LYST: variants seen among roughly 807,000 people sequenced by gnomAD.
The protein encoded by LYST is lysosomal-trafficking regulator.
LYST carries 192 observed loss-of-function variants against 413.6 expected under a neutral mutation model. The observed-to-expected ratio is 0.46, with a 90% CI of 0.41 to 0.52. The LOEUF (loss-of-function observed/expected upper bound fraction) is 0.52, where lower values mean the gene tolerates loss of function less well. Among genes scored for constraint, LYST ranks in the 20% least tolerant of loss-of-function variants. The pLI is 0.00. For missense variants in LYST, 3,815 were observed against 4,499.9 expected, an observed-to-expected ratio of 0.85 and a Z score of 4.35; for synonymous variants, 1,525 against 1,567.3, an observed-to-expected ratio of 0.97 and a Z score of 0.64.
In LYST at chr1:235,826,607, G is replaced by A. The variant is rs112082207; in HGVS notation, c.192+3619C>T. On this transcript the variant is annotated intron_variant, in intron 3 of 52. Coordinates refer to ENST00000389793, the MANE Select transcript of LYST (RefSeq NM_000081.4). The stretch of plus-strand genomic sequence containing the variant: ...AGGGACTGACTGAAAAAAAAGGCAT[G>A]ACAAAACTTTCTAAGGTGGCGGAAA... 5.4e-3 allele frequency among the ~76,000 whole-genome samples: 828 copies of A among 152,302 alleles called. 5 individuals carry two copies. The highest frequency in any genetic ancestry group is 9.5e-3 in the Non-Finnish European group (645 of 68,004).
chr1:235,669,582 A>G (rs1007784534), intron 50 of LYST, among the ~76,000 whole-genome samples: 2 of 152,188 alleles, frequency 1.3e-5, no homozygotes, highest in African/African-American at 2.4e-5. Flanking sequence ...ACTCCATTTA[A>G]GCTTCTGATT....
chr1:235,824,654 G>A lies in LYST; in HGVS notation c.192+5572C>T, dbSNP rs1051450705. 7.9e-5 allele frequency among the ~76,000 whole-genome samples: 12 copies of A among 152,314 alleles called. No homozygotes were observed. The East Asian group carries it at 2.1e-3, about 27-fold the overall frequency. Reference sequence around the variant, plus strand: ...ATATTTAAAAAGAGTATTTTCCCCTGAGAATAAGTAGATTAAAATTTCTGT... The same window carrying A: ...ATATTTAAAAAGAGTATTTTCCCCTAAGAATAAGTAGATTAAAATTTCTGT... On this transcript the variant is annotated intron_variant, in intron 3 of 52. Coordinates refer to ENST00000389793, the MANE Select transcript of LYST (RefSeq NM_000081.4).
intron 12 of LYST, among the ~76,000 whole-genome samples, chr1:235,790,163 C>T (rs949333362): frequency 6.6e-6 from 1 of 152,088 alleles, no homozygotes; most frequent in South Asian, 2.1e-4. Context: ...TTTCTCAGGT[C>T]ACTATGTATA....
At chr1:235,728,248 C>G in intron 37 of LYST, 117 bp from the exon 38 acceptor site, 1 of 743,840 alleles carries the variant, frequency 1.3e-6, no homozygotes, top group Non-Finnish European at 2.4e-6. Flanking sequence ...TACCTCGACA[C>G]AGTTCCTGGC....
chr1:235,777,247 A>T lies in LYST; in HGVS notation c.5276T>A (p.Val1759Glu). 6.2e-7 allele frequency: 1 copy of T among 1,613,006 alleles called. No homozygotes were observed. Among genetic ancestry groups the T allele is most frequent in the East Asian group, 2.2e-5 (1 of 44,788 alleles). Residue 1759 changes from valine (V) to glutamate (E), a missense_variant, in exon 17 of 53, where the codon GTG becomes GAG. By Grantham distance (121) the Val-to-Glu change is moderately radical (BLOSUM62 -2). Around this residue, in one of 4 missense-constraint regions of LYST, gnomAD observed 530 missense variants for 696.5 expected, o/e 0.76. Coordinates refer to ENST00000389793, the MANE Select transcript of LYST (RefSeq NM_000081.4). ...CPAQYTIYEP[V>E]IRLKGQMKTQ... ...TTTCATTTGACCTTTAAGTCTAATCACTGGTTCATAGATGGTATACTGAGC... is the reference window on the plus strand; with the variant it reads ...TTTCATTTGACCTTTAAGTCTAATCTCTGGTTCATAGATGGTATACTGAGC...
intron 7 of LYST, 25 bp downstream of exon 7, chr1:235,804,479 C>T (rs1672590355): frequency 1.9e-5 from 30 of 1,594,036 alleles, no homozygotes; most frequent in Non-Finnish European, 2.6e-5. Context: ...ACCCAAAGAA[C>T]ACAACTATAT....
chr1:235,836,166 T>A (rs571511743), intron 1 of LYST, among the ~76,000 whole-genome samples: 3 of 152,212 alleles, frequency 2.0e-5, no homozygotes, highest in Non-Finnish European at 2.9e-5. Flanking sequence ...CAAACACTGA[T>A]TTAATGTATT....
intron 50 of LYST, among the ~76,000 whole-genome samples, chr1:235,673,039 T>C (rs1251454929): frequency 6.6e-6 from 1 of 152,054 alleles, no homozygotes; most frequent in Admixed American, 6.6e-5. Context: ...CTCGAGCCCA[T>C]CTGGGAAGGA....
rs773265786 is a variant in LYST at position 235,757,445 on chromosome 1, A to C, written c.6895T>G (p.Cys2299Gly). ...AATCCACAGCATATAGGTACCAAAC[A>C]GTCTTCAGTTACACTAAAACAGAGA... is the stretch of plus-strand genomic sequence containing the variant. ...TASAHSVTEDCLVPICCGLYE... is the reference protein window; with the variant it reads ...TASAHSVTEDGLVPICCGLYE... The change falls in exon 24 of 53, where the codon TGT (cysteine) becomes GGT (glycine). Residue 2299 changes from cysteine to glycine, a missense_variant. Cys to Gly is a radical substitution (Grantham distance 159, BLOSUM62 -3). This residue lies in a region of LYST where 771 missense variants were observed against 837.1 expected (regional missense o/e 0.92). Coordinates refer to ENST00000389793, the MANE Select transcript of LYST (RefSeq NM_000081.4). 3 of 1,613,520 alleles carry C rather than the reference A, an allele frequency of 1.9e-6. No individual in the cohort carries two copies. The South Asian group carries it at 3.3e-5, about 18-fold the overall frequency.
chr1:235,757,362 C>T lies in LYST; in HGVS notation c.6978G>A (p.Val2326=). ...LILPDVLLED[V]MDKLIQADTL... ...TATCTGCTTGAATAAGCTTGTCCAT[C>T]ACATCTTCAAGCAAAACATCAGGCA... The change falls in exon 24 of 53, where the codon GTG becomes GTA. Residue 2326 remains valine, a synonymous_variant. Transcript: ENST00000389793. 1 of 1,613,156 alleles carries T rather than the reference C, an allele frequency of 6.2e-7. No individual in the cohort carries two copies. The highest frequency in any genetic ancestry group is 1.1e-5 in the South Asian group (1 of 91,036).
intron 10 of LYST, among the ~76,000 whole-genome samples, chr1:235,799,263 T>C (rs960892439): frequency 2.0e-5 from 3 of 152,336 alleles, no homozygotes; most frequent in African/African-American, 4.8e-5. Context: ...AGAATCATCA[T>C]ACTTTCATAT....
chr1:235,759,202 A>C lies in LYST; in HGVS notation c.6651T>G (p.Ser2217Arg). 6.2e-7 allele frequency: 1 copy of C among 1,614,126 alleles called. No homozygotes were observed. The highest frequency in any genetic ancestry group is 8.5e-7 in the Non-Finnish European group (1 of 1,180,014). The part of the protein sequence containing the change: ...LGAEPRSEDD[S>R]PGDESCPRRP... ...GGCGTGGGCAGGACTCATCCCCAGG[A>C]CTGTCATCTTCTGACCTGGGTTCTG... The change falls in exon 23 of 53, where the codon AGT becomes AGG. Residue 2217 changes from serine to arginine, a missense_variant. Physicochemically the swap from Ser to Arg is moderately radical, Grantham distance 110. Transcript: ENST00000389793.
intron 9 of LYST, 54 bp from the exon 10 acceptor site, chr1:235,800,440 A>T (rs1672085651): frequency 2.1e-6 from 2 of 956,956 alleles, no homozygotes; most frequent in Non-Finnish European, 3.4e-6. Context: ...GAAGCATGAA[A>T]CAACTGCAAT....
At chr1:235,821,267 T>C (rs1674719037) in intron 3 of LYST, among the ~76,000 whole-genome samples, 2 of 152,200 alleles carry the variant, frequency 1.3e-5, no homozygotes, top group African/African-American at 4.8e-5. Flanking sequence ...TGAAACCCCA[T>C]CTGTACAAAA....
chr1:235,834,014 C>T (rs6692303), intron 1 of LYST, among the ~76,000 whole-genome samples: 2 of 152,022 alleles, frequency 1.3e-5, no homozygotes, highest in Middle Eastern at 6.8e-3. Context: ...AATACTATCA[C>T]GACAAAAAGG....
intron 2 of LYST, 107 bp downstream of exon 2, chr1:235,833,471 A>G (rs1203366135): frequency 1.2e-5 from 2 of 163,892 alleles, no homozygotes; most frequent in Non-Finnish European, 1.3e-5. Flanking sequence ...CTACTAAGAA[A>G]AGTTTAGCTG....
In LYST at chr1:235,854,127, G is replaced by GATGATA. The variant is rs1244996905; in HGVS notation, c.-98+12710_-98+12715dup. On this transcript the variant is annotated intron_variant, in intron 1 of 52. Transcript: ENST00000389793. This position sits in a 1 kb window ranked among gnomAD's most constrained non-coding sequence, Gnocchi z 4.1. ...TGGATTTTTATAGCATGATGATGATGATGATAATCTGGCTAACACCTACAG... is the reference window on the plus strand; with the variant it reads ...TGGATTTTTATAGCATGATGATGATGATGATAATGATAATCTGGCTAACACCTACAG... Among the ~76,000 whole-genome samples, 1 of 152,128 alleles carries GATGATA rather than the reference G, an allele frequency of 6.6e-6. No individual in the cohort carries two copies. The highest frequency in any genetic ancestry group is 1.9e-4 in the East Asian group (1 of 5,196).
At chr1:235,737,919 C>T in intron 31 of LYST, 2 of 1,160,712 alleles carry the variant, frequency 1.7e-6, no homozygotes, top group Non-Finnish European at 1.1e-6. Flanking sequence ...GCCGACGAGT[C>T]TGGATCTCAC....
At chr1:235,761,013 G>A (rs908771416) in intron 22 of LYST, among the ~76,000 whole-genome samples, 1 of 152,162 alleles carries the variant, frequency 6.6e-6, no homozygotes, top group African/African-American at 2.4e-5. Flanking sequence ...CAGCACTTTG[G>A]GAGGCAGAGG....
Sources: allele counts gnomAD v4.1 joint callset (sites outside exome capture counted in the v4.1 genomes callset), GRCh38; gene constraint gnomAD v4.1.1; regional missense constraint gnomAD v4.1.1; non-coding constraint Gnocchi (gnomAD v3.1); transcripts MANE v1.5; gene names NCBI Gene and HGNC (gene_info 2026-07-23, HGNC 2026-07-21).